ALB: variants seen among roughly 807,000 people sequenced by gnomAD.
ALB encodes albumin.
ALB carries 37 observed loss-of-function variants against 74.5 expected under a neutral mutation model. The ratio of observed to expected loss-of-function variants is 0.50; its 90% CI spans 0.38 to 0.65. ALB has a LOEUF of 0.65. Among genes scored for constraint, ALB ranks in the 30% least tolerant of loss-of-function variants. The pLI is 0.00. For missense variants in ALB, 685 were observed against 718.7 expected, an observed-to-expected ratio of 0.95 and a Z score of 0.54; for synonymous variants, 249 against 251.6, an observed-to-expected ratio of 0.99 and a Z score of 0.10.
rs1718930240 is a variant in ALB, at chr4:73,413,498, T to C, written c.922T>C (p.Leu308=). Residue 308 remains leucine, a synonymous_variant, in exon 8 of 15, where the codon TTG becomes CTG. Transcript: ENST00000295897. ...KLKECCEKPL[L]EKSHCIAEVE... ...GAAGGAATGCTGTGAAAAACCTCTGTTGGAAAAATCCCACTGCATTGCCGA... is the reference window on the plus strand; with the variant it reads ...GAAGGAATGCTGTGAAAAACCTCTGCTGGAAAAATCCCACTGCATTGCCGA... 1.2e-6 allele frequency: 2 copies of C among 1,614,180 alleles called. No individual in the cohort carries two copies. The highest frequency in any genetic ancestry group is 1.7e-6 in the Non-Finnish European group (2 of 1,180,004).
chr4:73,413,732 G>T, intron 8 of ALB, 98 bp downstream of exon 8: 1 of 1,195,386 alleles, frequency 8.4e-7, no homozygotes, highest in South Asian at 1.3e-5. Flanking sequence ...CAATTTCCCT[G>T]CTGCCCAGAA....
Position 73,413,597 on chromosome 4 carries a change from A to G in ALB, c.1021A>G (p.Lys341Glu). The G allele has an allele frequency of 6.2e-7, 1 of 1,614,176 alleles. No homozygotes were observed. Among genetic ancestry groups the G allele is most frequent in the Non-Finnish European group, 8.5e-7 (1 of 1,180,006 alleles). The change falls in exon 8 of 15, where the codon AAA (lysine) becomes GAA (glutamate). Residue 341 changes from lysine (K) to glutamate (E), a missense_variant. Transcript: ENST00000295897. ...ADFVESKDVC[K>E]NYAEAKDVFL... is the part of the protein sequence containing the mutation. The stretch of plus-strand genomic sequence containing the variant: ...TTTTGTTGAAAGTAAGGATGTTTGC[A>G]AAAACTATGCTGAGGCAAAGGATGT...
At chr4:73,420,418 G>T in intron 14 of ALB, 97 bp downstream of exon 14, 1 of 760,372 alleles carries the variant, frequency 1.3e-6, no homozygotes, top group South Asian at 1.9e-5. Context: ...GACCAGCACC[G>T]ACCACTATTC....
At position 73,410,381 on chromosome 4, in the gene ALB, A is replaced by G. The variant is rs1369047910; in HGVS notation, c.685A>G (p.Lys229Glu). ...GAGACTCAAGTGTGCCAGTCTCCAA[A>G]AATTTGGAGAAAGAGCTTTCAAAGC... is the stretch of plus-strand genomic sequence containing the variant. Reference protein sequence around the residue: ...KQRLKCASLQKFGERAFKAWA... With the variant: ...KQRLKCASLQEFGERAFKAWA... Residue 229 changes from lysine to glutamate, a missense_variant, in exon 6 of 15, where the codon AAA (lysine) becomes GAA (glutamate). Lys to Glu is a moderately conservative substitution (Grantham distance 56). Transcript: ENST00000295897. 1 of 1,613,376 alleles carries G rather than the reference A, an allele frequency of 6.2e-7. No homozygotes were observed. Among genetic ancestry groups the G allele is most frequent in the Non-Finnish European group, 8.5e-7 (1 of 1,179,458 alleles).
Position 73,416,375 on chromosome 4 carries a change from ATTTT to A in ALB, c.1289+27_1289+30del, listed in dbSNP as rs35807836. On this transcript the variant is annotated intron_variant, in intron 10 of 14. Transcript: ENST00000295897. ...ATGCGTAAGTAATTTTTATTGACTG[ATTTT>A]TTTTATCAATTTGTAATTATTTAAG... is the stretch of plus-strand genomic sequence containing the variant. The A allele has an allele frequency of 3.9e-6, 6 of 1,521,040 alleles. No homozygotes were observed. The African/African-American group carries it at 6.8e-5, about 17-fold the overall frequency. 94.2% of individuals were successfully genotyped at this position (1,521,040 alleles called of 1,614,324 possible). A position where few individuals can be genotyped will look rare whatever the true frequency, so the allele number is the denominator to read the frequency against.
intron 12 of ALB, 121 bp downstream of exon 12, chr4:73,418,432 G>A (rs1194294515): frequency 1.1e-6 from 1 of 880,634 alleles, no homozygotes; most frequent in Non-Finnish European, 1.8e-6. Context: ...TTGGAGTGTT[G>A]CCCTTATTAT....
At chr4:73,420,391 T>C (rs1293560151) in intron 14 of ALB, 70 bp downstream of exon 14, 1 of 1,075,920 alleles carries the variant, frequency 9.3e-7, no homozygotes, top group African/African-American at 1.6e-5. Flanking sequence ...AGATTGACCA[T>C]TTCCAAGAGC....
At position 73,404,407 on chromosome 4, in the gene ALB, G is replaced by C; in HGVS notation, c.79+1G>C. On this transcript the variant is annotated splice_donor_variant, in intron 1 of 14. Coordinates refer to ENST00000295897, the MANE Select transcript of ALB (RefSeq NM_000477.7). LOFTEE classifies it high-confidence loss of function. ...AGGGGTGTGTTTCGTCGAGATGCAC[G>C]TAAGAAATCCATTTTTCTATTGTTC... The C allele has an allele frequency of 6.2e-7, 1 of 1,608,304 alleles. No homozygotes were observed. The highest frequency in any genetic ancestry group is 8.5e-7 in the Non-Finnish European group (1 of 1,174,978).
chr4:73,405,980 G>C (rs1718716184), intron 2 of ALB, among the ~76,000 whole-genome samples: 2 of 151,964 alleles, frequency 1.3e-5, no homozygotes, highest in South Asian at 4.2e-4. Context: ...CGTGTGTGGG[G>C]ATCAGGTGCG....
At position 73,408,690 on chromosome 4, in the gene ALB, A is replaced by C. The variant is rs749676498; in HGVS notation, c.367A>C (p.Asn123His). The C allele has an allele frequency of 2.5e-6, 4 of 1,613,940 alleles. No individual in the cohort carries two copies. The African/African-American group carries it at 5.3e-5, about 22-fold the overall frequency. The change falls in exon 4 of 15, where the codon AAT becomes CAT. Residue 123 changes from asparagine to histidine, a missense_variant. Transcript: ENST00000295897. ...DCCAKQEPER[N>H]ECFLQHKDDN... ...CTGTGCAAAACAAGAACCTGAGAGA[A>C]ATGAATGCTTCTTGCAACACAAAGA...
intron 4 of ALB, 200 bp downstream of exon 4, chr4:73,409,005 T>C (rs1287842669): frequency 1.7e-6 from 1 of 604,928 alleles, no homozygotes; most frequent in African/African-American, 1.8e-5. Context: ...TATTTTGAAG[T>C]TTATTGAAAC....
At chr4:73,419,455 C>T (rs925332542) in intron 12 of ALB, 52 bp from the exon 13 acceptor site, 52 of 1,563,744 alleles carry the variant, frequency 3.3e-5, no homozygotes, top group South Asian at 9.2e-5. Flanking sequence ...TTTTTCTATA[C>T]GTGAGTAATG....
rs763471006 is a variant in ALB at position 73,410,372 on chromosome 4, A to C, written c.676A>C (p.Ser226Arg). 6.2e-6 allele frequency: 10 copies of C among 1,613,756 alleles called. No individual in the cohort carries two copies. In the East Asian group the frequency reaches 2.0e-4, roughly 32 times the overall value. The change falls in exon 6 of 15, where the codon AGT becomes CGT. Residue 226 changes from serine to arginine, a missense_variant. Physicochemically the swap from Ser to Arg is moderately radical, Grantham distance 110. Transcript: ENST00000295897. The stretch of plus-strand genomic sequence containing the variant: ...TGCCAAACAGAGACTCAAGTGTGCC[A>C]GTCTCCAAAAATTTGGAGAAAGAGC... ...SSAKQRLKCA[S>R]LQKFGERAFK...
In ALB at chr4:73,411,987, T is replaced by C; in HGVS notation, c.714-9T>C. The stretch of plus-strand genomic sequence containing the variant: ...ATAATACCATTTTGATTGGCGATTT[T>C]CTTTTTAGGGCAGTAGCTCGCCTGA... On this transcript the variant is annotated splice_polypyrimidine_tract_variant and intron_variant, in intron 6 of 14. Transcript: ENST00000295897. 3 of 1,614,170 alleles carry C rather than the reference T, an allele frequency of 1.9e-6. No individual in the cohort carries two copies. Among genetic ancestry groups the C allele is most frequent in the Non-Finnish European group, 2.5e-6 (3 of 1,180,002 alleles).
chr4:73,412,200 G>C, intron 7 of ALB, 75 bp downstream of exon 7: 1 of 1,537,906 alleles, frequency 6.5e-7, no homozygotes, highest in Admixed American at 1.7e-5. Flanking sequence ...GGTATCATTG[G>C]TGATAGCTGA....
chr4:73,415,373 G>T (rs1431264525), intron 9 of ALB: 3 of 572,560 alleles, frequency 5.2e-6, no homozygotes, highest in Non-Finnish European at 8.9e-6. Context: ...AGAAAGATCT[G>T]AATAGAGCAA....
rs2149329667 is a variant in ALB at position 73,418,289 on chromosome 4, G to A, written c.1630G>A (p.Glu544Lys). 1 of 1,613,724 alleles carries A rather than the reference G, an allele frequency of 6.2e-7. No homozygotes were observed. The highest frequency in any genetic ancestry group is 8.5e-7 in the Non-Finnish European group (1 of 1,179,850). ...HADICTLSEK[E>K]RQIKKQTALV... Reference sequence around the variant, plus strand: ...AGATATATGCACACTTTCTGAGAAGGAGAGACAAATCAAGAAACAAACGTG... The same window carrying A: ...AGATATATGCACACTTTCTGAGAAGAAGAGACAAATCAAGAAACAAACGTG... Residue 544 changes from glutamate (E) to lysine (K), a missense_variant, in exon 12 of 15, where the codon GAG becomes AAG. Coordinates refer to ENST00000295897, the MANE Select transcript of ALB (RefSeq NM_000477.7).
At position 73,413,403 on chromosome 4, in the gene ALB, C is replaced by T; in HGVS notation, c.844-17C>T. The T allele has an allele frequency of 1.2e-6, 2 of 1,605,088 alleles. No homozygotes were observed. Among genetic ancestry groups the T allele is most frequent in the Non-Finnish European group, 1.7e-6 (2 of 1,171,950 alleles). ...ATGTCAATTCGTGTTGAACAATTTC[C>T]ACCAACTTACTTATAGGCGGACCTT... On this transcript the variant is annotated splice_polypyrimidine_tract_variant and intron_variant, in intron 7 of 14. Transcript: ENST00000295897.
intron 2 of ALB, among the ~76,000 whole-genome samples, chr4:73,405,648 T>G (rs911862211): frequency 2.6e-5 from 4 of 151,926 alleles, no homozygotes; most frequent in African/African-American, 9.7e-5. Flanking sequence ...TGGAGTGCAG[T>G]GGCGCAATCT....
Sources: gnomAD v4.1 joint callset for allele counts (sites outside exome capture counted in the v4.1 genomes callset) on GRCh38, gnomAD v4.1.1 for gene constraint, MANE v1.5 for transcripts, NCBI Gene and HGNC (gene_info 2026-07-23, HGNC 2026-07-21) for gene names.